The following NCOA1 variants were observed in gnomAD, a reference collection of about 807,000 sequenced individuals.
The protein encoded by NCOA1 is nuclear receptor coactivator 1.
Under a neutral mutation model 150.9 loss-of-function variants are expected in NCOA1, and 35 were observed. The ratio of observed to expected loss-of-function variants is 0.23; its 90% CI spans 0.18 to 0.31. The LOEUF (loss-of-function observed/expected upper bound fraction) is 0.31. Among genes scored for constraint, NCOA1 ranks in the 10% least tolerant of loss-of-function variants. NCOA1 has a pLI of 1.00. For synonymous variants in NCOA1, 590 were observed against 630.0 expected, an observed-to-expected ratio of 0.94 and a Z score of 0.95; for missense variants, 1,491 against 1,749.3, an observed-to-expected ratio of 0.85 and a Z score of 2.63.
At chr2:24,627,940 A>G (rs960582017) in intron 3 of NCOA1, among the ~76,000 whole-genome samples, 4 of 152,210 alleles carry the variant, frequency 2.6e-5, no homozygotes, top group African/African-American at 9.6e-5. Flanking sequence ...AGTTTTACTA[A>G]TTGTGTTTTA....
intron 2 of NCOA1, among the ~76,000 whole-genome samples, chr2:24,564,937 C>G (rs1229190736): frequency 6.6e-6 from 1 of 152,100 alleles, no homozygotes; most frequent in Non-Finnish European, 1.5e-5. Context: ...TGCAAGATGT[C>G]AGAGACCTTA....
chr2:24,558,561 T>G lies in NCOA1; in HGVS notation c.-395-5734T>G, dbSNP rs1056191835. Among the ~76,000 whole-genome samples the G allele has an allele frequency of 7.2e-4, 110 of 152,298 alleles. 1 individual carries two copies. Among genetic ancestry groups the G allele is most frequent in the African/African-American group, 2.5e-3 (105 of 41,570 alleles). On this transcript the variant is annotated intron_variant, in intron 1 of 22. Coordinates refer to ENST00000348332, the MANE Select transcript of NCOA1 (RefSeq NM_003743.5). ...GCACAGGAAAGACTGGCCCCCATAA[T>G]TCAATTACTTCCCCCTGGGTCCCTC...
chr2:24,702,800 A>G (rs950678795), intron 11 of NCOA1, among the ~76,000 whole-genome samples: 95 of 152,314 alleles, frequency 6.2e-4, no homozygotes, highest in African/African-American at 2.1e-3. Flanking sequence ...AGGACCTATA[A>G]ACAAAATGGG....
chr2:24,651,090 C>G (rs1670691483), intron 4 of NCOA1, among the ~76,000 whole-genome samples: 1 of 151,988 alleles, frequency 6.6e-6, no homozygotes, highest in African/African-American at 2.4e-5. Flanking sequence ...CCCATGTACC[C>G]TTTTGATGGG....
intron 3 of NCOA1, among the ~76,000 whole-genome samples, chr2:24,611,381 A>G (rs139952643): frequency 3.3e-5 from 5 of 152,152 alleles, no homozygotes; most frequent in Non-Finnish European, 5.9e-5. Flanking sequence ...TGTTTTTGCT[A>G]TTGTAAAGAG....
intron 3 of NCOA1, among the ~76,000 whole-genome samples, chr2:24,620,187 G>A (rs988730725): frequency 3.9e-5 from 6 of 152,148 alleles, no homozygotes; most frequent in South Asian, 2.1e-4. Flanking sequence ...GGGAGACTCA[G>A]TTCATCTTGC....
At chr2:24,751,559 G>A (rs1664241926) in intron 19 of NCOA1, among the ~76,000 whole-genome samples, 1 of 150,902 alleles carries the variant, frequency 6.6e-6, no homozygotes, top group African/African-American at 2.4e-5. Context: ...CTCCAGCCTG[G>A]GTGACAGAGC....
intron 1 of NCOA1, among the ~76,000 whole-genome samples, chr2:24,552,716 T>TA (rs1192026581): frequency 6.6e-6 from 1 of 152,128 alleles, no homozygotes; most frequent in Non-Finnish European, 1.5e-5. Context: ...TGTTATATTC[T>TA]ATCTCTTTTT....
chr2:24,510,136 G>A (rs559987172), intron 1 of NCOA1, among the ~76,000 whole-genome samples: 26 of 152,236 alleles, frequency 1.7e-4, no homozygotes, highest in South Asian at 4.1e-4. Flanking sequence ...TGCAACCTAC[G>A]CCACCCGGGT....
intron 22 of NCOA1, among the ~76,000 whole-genome samples, chr2:24,763,471 C>T (rs1431730733): frequency 7.1e-6 from 1 of 140,424 alleles, no homozygotes; most frequent in African/African-American, 2.7e-5. Context: ...CCCCGGGGGG[C>T]GGAGCCTGCA....
At chr2:24,639,647 G>A (rs1040733246) in intron 3 of NCOA1, among the ~76,000 whole-genome samples, 3 of 151,708 alleles carry the variant, frequency 2.0e-5, no homozygotes, top group African/African-American at 4.8e-5. Flanking sequence ...CCAGCACTTT[G>A]GGAGGCCGAG....
intron 3 of NCOA1, among the ~76,000 whole-genome samples, chr2:24,622,957 A>G (rs1572504662): frequency 2.0e-5 from 3 of 152,296 alleles, no homozygotes. Context: ...GTGTTTGTGT[A>G]TGACCATGTG....
chr2:24,619,930 A>G (rs149244820), intron 3 of NCOA1, among the ~76,000 whole-genome samples: 80 of 152,220 alleles, frequency 5.3e-4, no homozygotes, highest in Admixed American at 8.5e-4. Flanking sequence ...ATTGCCTTTA[A>G]GTATCTTTGT....
chr2:24,538,106 T>C (rs1214745750), intron 1 of NCOA1, among the ~76,000 whole-genome samples: 1 of 152,232 alleles, frequency 6.6e-6, no homozygotes, highest in African/African-American at 2.4e-5. Flanking sequence ...GTGTATCTGA[T>C]GAAATTACAG....
At chr2:24,751,583 G>A (rs55801654) in intron 19 of NCOA1, among the ~76,000 whole-genome samples, 6,501 of 143,474 alleles carry the variant, frequency 0.045, 233 homozygotes, top group East Asian at 0.19. Context: ...ACTCCATCTC[G>A]GGGGAAAAAA....
At chr2:24,634,382 C>G (rs1252842126) in intron 3 of NCOA1, among the ~76,000 whole-genome samples, 2 of 152,070 alleles carry the variant, frequency 1.3e-5, no homozygotes, top group African/African-American at 4.8e-5. Flanking sequence ...AAATTCTGGC[C>G]CTTTGCCTAA....
chr2:24,492,010 C>T (rs959337258), intron 1 of NCOA1: 4 of 151,968 alleles, frequency 2.6e-5, no homozygotes, highest in Admixed American at 6.6e-5. Context: ...CGCGGGCGCC[C>T]CTCGGCCCCG....
chr2:24,584,420 C>G (rs974560642), intron 2 of NCOA1, 56 bp from the exon 3 acceptor site: 2 of 152,092 alleles, frequency 1.3e-5, no homozygotes, highest in Non-Finnish European at 2.9e-5. Context: ...GCATTAATTT[C>G]ATGTGATTGA....
At chr2:24,633,111 C>T (rs973013582) in intron 3 of NCOA1, among the ~76,000 whole-genome samples, 3 of 151,780 alleles carry the variant, frequency 2.0e-5, no homozygotes, top group Non-Finnish European at 1.5e-5. Flanking sequence ...CATATACACA[C>T]GTACACATAC....
Sources: gnomAD v4.1 joint callset for allele counts (sites outside exome capture counted in the v4.1 genomes callset) on GRCh38, gnomAD v4.1.1 for gene constraint, MANE v1.5 for transcripts, NCBI Gene and HGNC (gene_info 2026-07-23, HGNC 2026-07-21) for gene names.